Variants in PLK4 observed in about 807,000 individuals in gnomAD.
The protein encoded by PLK4 is polo like kinase 4.
In PLK4, 51 loss-of-function variants were observed where a neutral mutation model predicts 103.0. The observed-to-expected ratio is 0.50, with a 90% CI of 0.40 to 0.63. PLK4 has a LOEUF of 0.63. PLK4 is among the 20% of genes least tolerant of loss of function. PLK4 has a pLI of 0.00. For synonymous variants in PLK4, 389 were observed against 376.8 expected (o/e 1.03, Z -0.38); for missense variants, 1,054 against 1,151.0 (o/e 0.92, Z 1.22).
At chr4:127,889,816 C>T (rs1278987799) in intron 6 of PLK4, 50 bp from the exon 7 acceptor site, 7 of 1,336,646 alleles carry the variant, frequency 5.2e-6, no homozygotes, top group Non-Finnish European at 6.1e-6. Flanking sequence ...TTTGTGTCGA[C>T]TTGTGTTTTT....
At chr4:127,881,672 A>G (rs1734933649) in intron 1 of PLK4, among the ~76,000 whole-genome samples, 159 bp from the exon 2 acceptor site, 1 of 152,050 alleles carries the variant, frequency 6.6e-6, no homozygotes, top group African/African-American at 2.4e-5. Context: ...CGGAGTCAAC[A>G]TGCCTTCCAC....
intron 9 of PLK4, 92 bp from the exon 10 acceptor site, chr4:127,892,272 TA>T (rs1306901121): frequency 1.2e-5 from 9 of 777,426 alleles, no homozygotes; most frequent in Admixed American, 9.6e-5. Context: ...AAAACCTGTC[TA>T]ATGTAACCCT....
intron 1 of PLK4, chr4:127,881,517 A>G (rs1035553368): frequency 1.2e-6 from 1 of 816,380 alleles, no homozygotes; most frequent in Non-Finnish European, 1.8e-6. Flanking sequence ...CTGCGGCGGG[A>G]TTCTGACCGA....
intron 11 of PLK4, 28 bp from the exon 12 acceptor site, chr4:127,893,485 T>C: frequency 6.2e-7 from 1 of 1,601,052 alleles, no homozygotes; most frequent in Non-Finnish European, 8.5e-7. Context: ...GGTGAAACAA[T>C]GACAGAAGCA....
chr4:127,887,586 A>G (rs1478689592), intron 6 of PLK4, 90 bp downstream of exon 6: 1 of 808,602 alleles, frequency 1.2e-6, no homozygotes, highest in Non-Finnish European at 2.0e-6. Flanking sequence ...TTTAAAGAAA[A>G]TCATTTTCTT....
chr4:127,885,461 A>G (rs1050690619), intron 4 of PLK4, among the ~76,000 whole-genome samples: 2 of 146,712 alleles, frequency 1.4e-5, no homozygotes, highest in South Asian at 2.2e-4. Flanking sequence ...CCTGAGGGAC[A>G]CAGCAAGACT....
intron 1 of PLK4, among the ~76,000 whole-genome samples, chr4:127,881,533 C>G (rs1734927503): frequency 6.6e-6 from 1 of 152,132 alleles, no homozygotes; most frequent in Non-Finnish European, 1.5e-5. Flanking sequence ...ACCGAGCCCT[C>G]CGCTCCCGGG....
In PLK4 at chr4:127,890,030, A is replaced by G; in HGVS notation, c.1624A>G (p.Thr542Ala). Residue 542 changes from threonine (T) to alanine (A), a missense_variant, in exon 7 of 16, where the codon ACC becomes GCC. Coordinates refer to ENST00000270861, the MANE Select transcript of PLK4 (RefSeq NM_014264.5). ...TGCACATTCTGTAAAACAGCAAAATACCATGAAATATATGACTGCACTTCA... is the reference window on the plus strand; with the variant it reads ...TGCACATTCTGTAAAACAGCAAAATGCCATGAAATATATGACTGCACTTCA... The part of the protein sequence containing the change: ...DNAHSVKQQN[T>A]MKYMTALHSK... 1 of 1,613,966 alleles carries G rather than the reference A, an allele frequency of 6.2e-7. No individual in the cohort carries two copies. Among genetic ancestry groups the G allele is most frequent in the Non-Finnish European group, 8.5e-7 (1 of 1,179,848 alleles).
In PLK4 at chr4:127,881,033, G is replaced by A. The variant is rs1202260861; in HGVS notation, c.-102G>A. The A allele has an allele frequency of 4.4e-6, 6 of 1,369,288 alleles. No homozygotes were observed. Among genetic ancestry groups the A allele is most frequent in the Middle Eastern group, 1.8e-4 (1 of 5,578 alleles). The allele number at this position is 1,369,288 out of a possible 1,614,324, so 84.8% of individuals were successfully genotyped here. A position where few individuals can be genotyped will look rare whatever the true frequency, so the allele number is the denominator to read the frequency against. ...GCCTGGAGCGGCGGTTTAGAGAGCCGAGCCTGATGGGCGCCAAGGCCGGCT... is the reference window on the plus strand; with the variant it reads ...GCCTGGAGCGGCGGTTTAGAGAGCCAAGCCTGATGGGCGCCAAGGCCGGCT... On this transcript the variant is annotated 5_prime_UTR_variant, in exon 1 of 16. Coordinates refer to ENST00000270861, the MANE Select transcript of PLK4 (RefSeq NM_014264.5).
chr4:127,897,995 C>T (rs1413978326), intron 15 of PLK4, among the ~76,000 whole-genome samples: 2 of 151,704 alleles, frequency 1.3e-5, no homozygotes, highest in Non-Finnish European at 2.9e-5. Flanking sequence ...TACGCCACCA[C>T]ACCTGGCTAA....
chr4:127,891,216 T>C lies in PLK4; in HGVS notation c.1935+20T>C. ...AATACGGTAATGTGTAGTTACTTTA[T>C]TACCTTGCAACTTCAAATTATCGTT... On this transcript the variant is annotated intron_variant, in intron 8 of 15. Transcript: ENST00000270861. 1 of 1,174,168 alleles carries C rather than the reference T, an allele frequency of 8.5e-7. No homozygotes were observed. The highest frequency in any genetic ancestry group is 1.4e-5 in the South Asian group (1 of 72,296). 72.7% of individuals were successfully genotyped at this position (1,174,168 alleles called of 1,614,324 possible). A position where few individuals can be genotyped will look rare whatever the true frequency, so the allele number is the denominator to read the frequency against.
At chr4:127,893,022 A>G (rs904034688) in intron 10 of PLK4, among the ~76,000 whole-genome samples, 1 of 152,084 alleles carries the variant, frequency 6.6e-6, no homozygotes, top group Non-Finnish European at 1.5e-5. Context: ...AATTATAGCT[A>G]TCCTTCAATT....
rs781236763 is a variant in PLK4 at position 127,894,935 on chromosome 4, G to A, written c.2563-18G>A. On this transcript the variant is annotated intron_variant, in intron 13 of 15. Coordinates refer to ENST00000270861, the MANE Select transcript of PLK4 (RefSeq NM_014264.5). ...AAATGCTGAGGAATAATATCTTCCT[G>A]TCCTTTATTCTTTGTAGATGGTTAC... is the stretch of plus-strand genomic sequence containing the variant. 3 of 1,482,926 alleles carry A rather than the reference G, an allele frequency of 2.0e-6. No homozygotes were observed. Among genetic ancestry groups the A allele is most frequent in the African/African-American group, 2.9e-5 (2 of 69,936 alleles). The allele number at this position is 1,482,926 out of a possible 1,614,324, so 91.9% of individuals were successfully genotyped here. A position where few individuals can be genotyped will look rare whatever the true frequency, so the allele number is the denominator to read the frequency against.
At chr4:127,893,675 C>A in intron 12 of PLK4, 59 bp from the exon 13 acceptor site, 2 of 1,582,102 alleles carry the variant, frequency 1.3e-6, no homozygotes, top group Admixed American at 3.7e-5. Context: ...TATAAACATT[C>A]TTTAGTTTTC....
intron 4 of PLK4, among the ~76,000 whole-genome samples, chr4:127,884,567 G>A (rs1578752500): frequency 1.3e-5 from 2 of 152,212 alleles, no homozygotes; most frequent in South Asian, 4.1e-4. Flanking sequence ...ACCTTGGGGG[G>A]CTGAGGCACG....
At position 127,881,138 on chromosome 4, in the gene PLK4, G is replaced by T; in HGVS notation, c.4G>T (p.Ala2Ser). The T allele has an allele frequency of 6.2e-7, 1 of 1,614,034 alleles. No homozygotes were observed. The highest frequency in any genetic ancestry group is 8.5e-7 in the Non-Finnish European group (1 of 1,180,018). The change falls in exon 1 of 16, where the codon GCG becomes TCG. Residue 2 changes from alanine (A) to serine (S), a missense_variant. This residue lies in a region of PLK4 where 199 missense variants were observed against 270.1 expected (regional missense o/e 0.74). Transcript: ENST00000270861. M[A>S]TCIGEKIEDF... ...ACCCAGGCCAGAGCCTGGAAATATG[G>T]CGACCTGCATCGGGGAGAAGATCGA...
At chr4:127,891,230 C>A in intron 8 of PLK4, 34 bp downstream of exon 8, 1 of 1,053,380 alleles carries the variant, frequency 9.5e-7, no homozygotes, top group Non-Finnish European at 1.4e-6. Flanking sequence ...CTTGCAACTT[C>A]AAATTATCGT....
intron 1 of PLK4, chr4:127,881,483 G>C: frequency 3.8e-6 from 4 of 1,040,256 alleles, no homozygotes; most frequent in Non-Finnish European, 5.3e-6. Context: ...TCTCCAAGGG[G>C]ATGGCGGTTA....
chr4:127,885,035 G>T (rs893217207), intron 4 of PLK4, among the ~76,000 whole-genome samples: 1 of 151,946 alleles, frequency 6.6e-6, no homozygotes, highest in Non-Finnish European at 1.5e-5. Flanking sequence ...AAATATGTAT[G>T]AATCGTTTGT....
Sources: allele counts gnomAD v4.1 joint callset (sites outside exome capture counted in the v4.1 genomes callset), GRCh38; gene constraint gnomAD v4.1.1; regional missense constraint gnomAD v4.1.1; transcripts MANE v1.5; gene names NCBI Gene and HGNC (gene_info 2026-07-23, HGNC 2026-07-21).